The following BAZ2B variants were observed in gnomAD, a reference collection of about 807,000 sequenced individuals.
BAZ2B encodes the protein bromodomain adjacent to zinc finger domain 2B.
In BAZ2B, 91 loss-of-function variants were observed where a neutral mutation model predicts 246.0. The ratio of observed to expected loss-of-function variants is 0.37; its 90% CI spans 0.31 to 0.44. The LOEUF is 0.44. Among genes scored for constraint, BAZ2B ranks in the 20% least tolerant of loss-of-function variants. The pLI is 1.00. For synonymous variants in BAZ2B, 855 were observed against 860.0 expected, an observed-to-expected ratio of 0.99 and a Z score of 0.10; for missense variants, 2,332 against 2,533.7, an observed-to-expected ratio of 0.92 and a Z score of 1.71.
At chr2:159,499,695 CT>C (rs1244067953) in intron 2 of BAZ2B, among the ~76,000 whole-genome samples, 1 of 152,140 alleles carries the variant, frequency 6.6e-6, no homozygotes, top group Non-Finnish European at 1.5e-5. Flanking sequence ...TTGTTTTTGA[CT>C]TTTTAATAAT....
At chr2:159,474,239 G>A (rs1294533909) in intron 3 of BAZ2B, among the ~76,000 whole-genome samples, 10 of 152,128 alleles carry the variant, frequency 6.6e-5, no homozygotes, top group South Asian at 2.1e-4. Flanking sequence ...ATGTGGGTGC[G>A]CCTGTATTGG....
intron 26 of BAZ2B, 51 bp downstream of exon 26, chr2:159,374,640 G>C: frequency 1.3e-6 from 2 of 1,503,492 alleles, no homozygotes; most frequent in Non-Finnish European, 1.8e-6. Context: ...TTACAATGTA[G>C]ATTTCTAAAA....
At chr2:159,386,316 A>G (rs768398386) in intron 22 of BAZ2B, 37 bp downstream of exon 22, 4 of 1,549,624 alleles carry the variant, frequency 2.6e-6, no homozygotes, top group Non-Finnish European at 3.5e-6. Context: ...CACTGACAGT[A>G]CAAATTTAAA....
At chr2:159,593,340 G>A (rs1347235926) in intron 1 of BAZ2B, among the ~76,000 whole-genome samples, 1 of 152,020 alleles carries the variant, frequency 6.6e-6, no homozygotes, top group African/African-American at 2.4e-5. Flanking sequence ...CCCCTCTTAG[G>A]ATAATGTTCC....
At chr2:159,674,077 T>A in the BAZ2B span, among the ~76,000 whole-genome samples, 1 of 152,040 alleles carries the variant, frequency 6.6e-6, no homozygotes, top group South Asian at 2.1e-4. Flanking sequence ...ATGCAGTGGC[T>A]GATACTTGTA....
intron 2 of BAZ2B, among the ~76,000 whole-genome samples, chr2:159,483,574 C>T (rs2079484979): frequency 6.6e-6 from 1 of 152,024 alleles, no homozygotes; most frequent in African/African-American, 2.4e-5. Flanking sequence ...TTCAGGAGTT[C>T]GAGACCAGCC....
At chr2:159,521,672 A>G (rs2084150247) in intron 2 of BAZ2B, among the ~76,000 whole-genome samples, 1 of 152,044 alleles carries the variant, frequency 6.6e-6, no homozygotes, top group South Asian at 2.1e-4. Context: ...TCAACTCTAT[A>G]TTACAATGTA....
the BAZ2B span, among the ~76,000 whole-genome samples, chr2:159,635,907 A>G: frequency 6.6e-6 from 1 of 152,150 alleles, no homozygotes; most frequent in Admixed American, 6.5e-5. Flanking sequence ...AAATTAAGAA[A>G]ATAGCCAGGT....
At chr2:159,486,488 A>C (rs2079842075) in intron 2 of BAZ2B, among the ~76,000 whole-genome samples, 1 of 151,990 alleles carries the variant, frequency 6.6e-6, no homozygotes, top group African/African-American at 2.4e-5. Context: ...TTTAATAGGA[A>C]AGATGCAGAA....
At chr2:159,403,977 C>T (rs1351472467) in intron 16 of BAZ2B, among the ~76,000 whole-genome samples, 2 of 152,128 alleles carry the variant, frequency 1.3e-5, no homozygotes, top group Non-Finnish European at 2.9e-5. Flanking sequence ...ATCAACTTCT[C>T]TAGTCATATT....
At chr2:159,349,359 T>C in intron 28 of BAZ2B, 79 bp from the exon 29 acceptor site, 1 of 1,388,970 alleles carries the variant, frequency 7.2e-7, no homozygotes, top group South Asian at 1.6e-5. Context: ...ATGAAATTAT[T>C]TTTCAAATTC....
At chr2:159,483,530 G>A (rs573690787) in intron 2 of BAZ2B, among the ~76,000 whole-genome samples, 113 of 152,138 alleles carry the variant, frequency 7.4e-4, no homozygotes, top group Non-Finnish European at 1.3e-3. Flanking sequence ...TAATTCCAGA[G>A]CTTTGGGAGG....
chr2:159,684,046 T>A, the BAZ2B span, among the ~76,000 whole-genome samples: 1 of 152,362 alleles, frequency 6.6e-6, no homozygotes, highest in African/African-American at 2.4e-5. Context: ...TTTTCCAGAA[T>A]GTCATATAAA....
At chr2:159,710,423 T>G in the BAZ2B span, among the ~76,000 whole-genome samples, 1 of 152,162 alleles carries the variant, frequency 6.6e-6, no homozygotes, top group Admixed American at 6.6e-5. Context: ...TTAGCCAGGA[T>G]GGTCTCGATC....
intron 17 of BAZ2B, among the ~76,000 whole-genome samples, chr2:159,399,476 G>GT (rs1004997007): frequency 1.4e-3 from 204 of 146,626 alleles, no homozygotes; most frequent in Non-Finnish European, 1.9e-3. Flanking sequence ...AAGTTCAAGT[G>GT]TTTTTTTTTT....
At chr2:159,671,053 T>G in the BAZ2B span, among the ~76,000 whole-genome samples, 1 of 152,244 alleles carries the variant, frequency 6.6e-6, no homozygotes, top group Non-Finnish European at 1.5e-5. Context: ...CATAATTTTT[T>G]CTTTATCTTA....
At chr2:159,480,019 ATGTTTAAAGAGTAGGTTT>A (rs1344994406) in intron 2 of BAZ2B, among the ~76,000 whole-genome samples, 1 of 152,114 alleles carries the variant, frequency 6.6e-6, no homozygotes, top group Non-Finnish European at 1.5e-5. Context: ...CATGCAACTA[ATGTTTAAAGAGTAGGTTT>A]TGGGTCAGCA....
At chr2:159,450,134 C>T (rs769133312) in intron 4 of BAZ2B, among the ~76,000 whole-genome samples, 1 of 152,138 alleles carries the variant, frequency 6.6e-6, no homozygotes, top group South Asian at 2.1e-4. Flanking sequence ...CTAAGGTAAT[C>T]AAAGTGTAAT....
At chr2:159,393,453 C>T (rs879105433) in intron 20 of BAZ2B, among the ~76,000 whole-genome samples, 7 of 152,094 alleles carry the variant, frequency 4.6e-5, no homozygotes, top group Non-Finnish European at 7.3e-5. Context: ...AGTTGCCCTG[C>T]CATTTCTTTT....
Sources: gnomAD v4.1 joint callset for allele counts (sites outside exome capture counted in the v4.1 genomes callset) on GRCh38, gnomAD v4.1.1 for gene constraint, MANE v1.5 for transcripts, NCBI Gene and HGNC (gene_info 2026-07-23, HGNC 2026-07-21) for gene names.